The following NRG1 variants were observed in gnomAD, a reference collection of about 807,000 sequenced individuals.
NRG1 encodes pro-neuregulin-1, membrane-bound isoform.
Under a neutral mutation model 63.8 loss-of-function variants are expected in NRG1, and 18 were observed. The ratio of observed to expected loss-of-function variants is 0.28; its 90% confidence interval spans 0.19 to 0.42. NRG1 has a LOEUF of 0.42. NRG1 is among the 10% of genes least tolerant of loss of function. The pLI is 1.00. For synonymous variants in NRG1, 302 were observed against 301.3 expected (o/e 1.00, Z -0.02); for missense variants, 762 against 814.7 (o/e 0.94, Z 0.79).
At chr8:32,299,249 C>T (rs1203157863) in intron 1 of NRG1, among the ~76,000 whole-genome samples, 1 of 151,786 alleles carries the variant, frequency 6.6e-6, no homozygotes, top group Non-Finnish European at 1.5e-5. Context: ...CCATTGTTTC[C>T]CTAAGAATTA....
intron 6 of NRG1, 179 bp downstream of exon 6, chr8:32,728,257 T>C (rs1240797341): frequency 1.0e-6 from 1 of 985,336 alleles, no homozygotes; most frequent in Non-Finnish European, 1.2e-6. Context: ...CTCTGTCATA[T>C]GCAGAATTGT....
At chr8:32,653,483 C>A (rs1448021747) in intron 5 of NRG1, among the ~76,000 whole-genome samples, 1 of 152,220 alleles carries the variant, frequency 6.6e-6, no homozygotes, top group Non-Finnish European at 1.5e-5. Flanking sequence ...AATCCCACCT[C>A]TGCTACCAAC....
intron 1 of NRG1, among the ~76,000 whole-genome samples, chr8:32,385,180 C>T (rs1359855701): frequency 5.9e-5 from 9 of 151,938 alleles, no homozygotes; most frequent in African/African-American, 1.5e-4. Context: ...TCACCATGCC[C>T]GGCTAATTTT....
chr8:31,958,703 A>C (rs969501006), intron 1 of NRG1, among the ~76,000 whole-genome samples: 6 of 152,210 alleles, frequency 3.9e-5, no homozygotes, highest in African/African-American at 1.4e-4. Context: ...ATGCTTTACT[A>C]TTACATAAGT....
intron 1 of NRG1, among the ~76,000 whole-genome samples, chr8:31,840,529 T>C (rs971872832): frequency 6.6e-6 from 1 of 152,078 alleles, no homozygotes; most frequent in Non-Finnish European, 1.5e-5. Context: ...GGCTACCTTG[T>C]AGTAAACAGG....
intron 1 of NRG1, among the ~76,000 whole-genome samples, chr8:32,378,563 G>GC (rs1554522508): frequency 6.6e-6 from 1 of 152,126 alleles, no homozygotes; most frequent in Non-Finnish European, 1.5e-5. Flanking sequence ...CAAGGGATTT[G>GC]CCCTGATTCT....
chr8:32,390,590 G>A (rs55703744), intron 1 of NRG1, among the ~76,000 whole-genome samples: 30,283 of 131,606 alleles, frequency 0.23, 4,044 homozygotes, highest in Middle Eastern at 0.4. Flanking sequence ...GCAACAGAGC[G>A]AGACCCTGTC....
chr8:32,454,573 C>CTTT (rs1158217383), intron 1 of NRG1, among the ~76,000 whole-genome samples: 10 of 76,446 alleles, frequency 1.3e-4, no homozygotes, highest in African/African-American at 3.1e-4. Context: ...TCCCATCCCT[C>CTTT]TTTTTTTTTT....
intron 1 of NRG1, among the ~76,000 whole-genome samples, chr8:31,641,431 C>T (rs899449848): frequency 2.6e-5 from 4 of 151,396 alleles, no homozygotes; most frequent in South Asian, 2.1e-4. Context: ...AACAGATGAA[C>T]GAAATTATGG....
chr8:32,580,328 A>G (rs1170128660), intron 1 of NRG1, among the ~76,000 whole-genome samples: 2 of 152,212 alleles, frequency 1.3e-5, no homozygotes, highest in African/African-American at 4.8e-5. Context: ...TGCCTGCTAC[A>G]GGAATGAATT....
chr8:32,460,079 G>T (rs1822132618), intron 1 of NRG1, among the ~76,000 whole-genome samples: 1 of 152,200 alleles, frequency 6.6e-6, no homozygotes, highest in East Asian at 1.9e-4. Flanking sequence ...TAGAAAGCAA[G>T]CTCCATCAGA....
intron 5 of NRG1, among the ~76,000 whole-genome samples, chr8:32,686,434 A>C (rs1478362026): frequency 2.6e-5 from 4 of 152,210 alleles, no homozygotes; most frequent in Non-Finnish European, 5.9e-5. Flanking sequence ...TGACAGCTAA[A>C]TGAGATCTTT....
At position 31,640,553 on chromosome 8, in the gene NRG1, A is replaced by G; in HGVS notation, c.37+1122A>G. On this transcript the variant is annotated intron_variant, in intron 1 of 10. Transcript: ENST00000519301. The surrounding 1 kb of genome is among the most constrained non-coding windows in gnomAD (Gnocchi z 6.3). ...ACCGTGCGCCTGGGGACCTGGGGCC[A>G]CCCCGCCTTCCCCTCCTGCGGGAGG... 6.2e-7 allele frequency: 1 copy of G among 1,611,606 alleles called. No homozygotes were observed. The highest frequency in any genetic ancestry group is 8.5e-7 in the Non-Finnish European group (1 of 1,179,376).
chr8:31,780,474 T>G (rs1819574858), intron 1 of NRG1, among the ~76,000 whole-genome samples: 1 of 152,178 alleles, frequency 6.6e-6, no homozygotes, highest in African/African-American at 2.4e-5. Flanking sequence ...AATGATTCCC[T>G]AGAATTATTC....
At chr8:32,486,352 C>G (rs1334811636) in intron 1 of NRG1, among the ~76,000 whole-genome samples, 1 of 152,188 alleles carries the variant, frequency 6.6e-6, no homozygotes, top group East Asian at 1.9e-4. Context: ...AAGTGTCCCT[C>G]ATAGCACAAA....
chr8:32,356,579 G>A (rs1806465252), intron 1 of NRG1, among the ~76,000 whole-genome samples: 1 of 149,038 alleles, frequency 6.7e-6, no homozygotes, highest in Non-Finnish European at 1.5e-5. Flanking sequence ...TCCTGGGCCT[G>A]TTCTAATTAG....
chr8:32,486,715 C>A (rs1204317768), intron 1 of NRG1, among the ~76,000 whole-genome samples: 1 of 151,470 alleles, frequency 6.6e-6, no homozygotes, highest in African/African-American at 2.4e-5. Context: ...ACCTCCACCT[C>A]CTGGGTTCAA....
intron 1 of NRG1, among the ~76,000 whole-genome samples, chr8:32,391,780 T>A (rs2129484014): frequency 6.6e-6 from 1 of 152,326 alleles, no homozygotes; most frequent in South Asian, 2.1e-4. Flanking sequence ...GGCATTTAGG[T>A]TGATTCCTAT....
At chr8:32,759,549 CAA>C in intron 10 of NRG1, 113 bp downstream of exon 10, 1 of 1,300,746 alleles carries the variant, frequency 7.7e-7, no homozygotes, top group Non-Finnish European at 1.0e-6. Flanking sequence ...CTTTGGGCAG[CAA>C]CAGATTTTGA....
Sources: gnomAD v4.1 joint callset for allele counts (sites outside exome capture counted in the v4.1 genomes callset) on GRCh38, gnomAD v4.1.1 for gene constraint, Gnocchi (gnomAD v3.1) non-coding constraint, MANE v1.5 for transcripts, NCBI Gene and HGNC (gene_info 2026-07-23, HGNC 2026-07-21) for gene names.